Variants in VPS13D observed in about 807,000 individuals in gnomAD.
VPS13D encodes intermembrane lipid transfer protein VPS13D.
Under a neutral mutation model 461.9 loss-of-function variants are expected in VPS13D, and 187 were observed. That is an observed-to-expected ratio of 0.40 (90% CI 0.36 to 0.46). The LOEUF is 0.46. Among genes scored for constraint, VPS13D ranks in the 20% least tolerant of loss-of-function variants. The probability of loss-of-function intolerance (pLI) is 0.60; values close to 1 mark genes in which losing one functional copy is unlikely to be tolerated. For missense variants in VPS13D, 4,711 were observed against 5,364.9 expected (o/e 0.88, Z 3.81); for synonymous variants, 1,951 against 1,986.3 (o/e 0.98, Z 0.47).
At chr1:12,349,584 GAC>G (rs1257226906) in intron 46 of VPS13D, among the ~76,000 whole-genome samples, 3 of 152,040 alleles carry the variant, frequency 2.0e-5, no homozygotes, top group Non-Finnish European at 4.4e-5. Context: ...ACATGGGAGA[GAC>G]AGCCAACACA....
At chr1:12,291,727 C>G (rs1255504229) in intron 23 of VPS13D, among the ~76,000 whole-genome samples, 4 of 152,188 alleles carry the variant, frequency 2.6e-5, no homozygotes, top group African/African-American at 9.7e-5. Flanking sequence ...GGTGTATGTC[C>G]TGAGACAAGT....
At chr1:12,332,083 G>A (rs558274958) in intron 37 of VPS13D, among the ~76,000 whole-genome samples, 2 of 152,304 alleles carry the variant, frequency 1.3e-5, no homozygotes, top group Admixed American at 1.3e-4. Context: ...GAACATATAA[G>A]CCATAGTACT....
At chr1:12,392,493 G>T (rs1301159230) in intron 60 of VPS13D, among the ~76,000 whole-genome samples, 8 of 147,472 alleles carry the variant, frequency 5.4e-5, no homozygotes, top group African/African-American at 2.0e-4. Flanking sequence ...AAAAAAGTCC[G>T]TGATGAAATT....
intron 27 of VPS13D, 120 bp downstream of exon 27, chr1:12,308,761 T>C: frequency 1.1e-6 from 1 of 880,548 alleles, no homozygotes; most frequent in Non-Finnish European, 1.7e-6. Context: ...GTGATTCTCC[T>C]CAGCCTCAGC....
intron 60 of VPS13D, among the ~76,000 whole-genome samples, chr1:12,397,077 G>A (rs1644509687): frequency 6.6e-6 from 1 of 152,154 alleles, no homozygotes; most frequent in African/African-American, 2.4e-5. Context: ...GGGATTACAG[G>A]TGCCCGCCAC....
intron 43 of VPS13D, among the ~76,000 whole-genome samples, 168 bp from the exon 44 acceptor site, chr1:12,346,437 G>A (rs1234795364): frequency 6.6e-6 from 1 of 152,064 alleles, no homozygotes; most frequent in African/African-American, 2.4e-5. Context: ...AATGAATATT[G>A]TTTTTTCCAT....
intron 13 of VPS13D, 21 bp from the exon 14 acceptor site, chr1:12,266,860 T>A (rs760997846): frequency 6.5e-7 from 1 of 1,540,072 alleles, no homozygotes; most frequent in Non-Finnish European, 8.7e-7. Flanking sequence ...TTGTATCAAC[T>A]ATTTTATTTA....
chr1:12,283,871 T>C, intron 21 of VPS13D, 135 bp downstream of exon 21: 14 of 950,838 alleles, frequency 1.5e-5, no homozygotes, highest in Non-Finnish European at 2.0e-5. Flanking sequence ...TCTAGGTGTT[T>C]GCTACGAAAG....
chr1:12,373,686 T>G, intron 54 of VPS13D, 64 bp from the exon 55 acceptor site: 14 of 945,628 alleles, frequency 1.5e-5, no homozygotes, highest in Non-Finnish European at 1.9e-5. Context: ...AATACATGTG[T>G]GAGTATGTGT....
intron 27 of VPS13D, among the ~76,000 whole-genome samples, chr1:12,310,342 C>T (rs1484085861): frequency 6.6e-6 from 1 of 152,172 alleles, no homozygotes; most frequent in Non-Finnish European, 1.5e-5. Context: ...TCTCTGCAGA[C>T]AAAATAACTT....
At chr1:12,469,473 C>T (rs1645535389) in intron 67 of VPS13D, among the ~76,000 whole-genome samples, 1 of 152,226 alleles carries the variant, frequency 6.6e-6, no homozygotes, top group Non-Finnish European at 1.5e-5. Context: ...ACTCTCCTCA[C>T]CTTCTGTGAC....
chr1:12,311,799 T>G lies in VPS13D; in HGVS notation c.6823-14T>G, dbSNP rs1205948186. The stretch of plus-strand genomic sequence containing the variant: ...ATCATCAGCTGTGGATTGACGAGCA[T>G]TTTCCTTTTGTAGACTGTCCTGAGT... On this transcript the variant is annotated splice_polypyrimidine_tract_variant and intron_variant, in intron 28 of 69. Transcript: ENST00000620676. 1.2e-6 allele frequency: 2 copies of G among 1,609,156 alleles called. No homozygotes were observed. Among genetic ancestry groups the G allele is most frequent in the Non-Finnish European group, 1.7e-6 (2 of 1,177,116 alleles).
chr1:12,273,634 A>G (rs1041442456), intron 18 of VPS13D, among the ~76,000 whole-genome samples: 23 of 152,206 alleles, frequency 1.5e-4, no homozygotes, highest in African/African-American at 5.5e-4. Context: ...AACATTTCAT[A>G]TGATGGAATA....
At chr1:12,466,043 G>A (rs924396642) in intron 67 of VPS13D, among the ~76,000 whole-genome samples, 2 of 152,042 alleles carry the variant, frequency 1.3e-5, no homozygotes, top group African/African-American at 4.8e-5. Context: ...GCTGAGGCAG[G>A]AGAATTGCTT....
chr1:12,255,648 C>T (rs1421200257), intron 7 of VPS13D, among the ~76,000 whole-genome samples: 1 of 151,350 alleles, frequency 6.6e-6, no homozygotes, highest in Non-Finnish European at 1.5e-5. Flanking sequence ...AATCCCAGCA[C>T]TTGGGAGACT....
At chr1:12,241,704 G>A (rs527463280) in intron 2 of VPS13D, among the ~76,000 whole-genome samples, 165 of 152,258 alleles carry the variant, frequency 1.1e-3, no homozygotes, top group Non-Finnish European at 1.6e-3. Context: ...CTTTCTGATC[G>A]GTTATTACAC....
chr1:12,406,298 T>C (rs1644653687), intron 63 of VPS13D, among the ~76,000 whole-genome samples: 1 of 151,844 alleles, frequency 6.6e-6, no homozygotes, highest in Admixed American at 6.6e-5. Flanking sequence ...CAGAGTAATA[T>C]GCCTTTATTA....
chr1:12,436,257 C>G (rs994166635), intron 65 of VPS13D, among the ~76,000 whole-genome samples: 1 of 152,206 alleles, frequency 6.6e-6, no homozygotes, highest in African/African-American at 2.4e-5. Context: ...GGGGTGGACT[C>G]TTCTACCCAG....
intron 41 of VPS13D, 151 bp downstream of exon 41, chr1:12,342,036 T>C: frequency 1.5e-6 from 1 of 670,862 alleles, no homozygotes; most frequent in Admixed American, 3.0e-5. Flanking sequence ...ATGATGGAGG[T>C]TCTGGTTTTG....
Sources: allele counts gnomAD v4.1 joint callset (sites outside exome capture counted in the v4.1 genomes callset), GRCh38; gene constraint gnomAD v4.1.1; transcripts MANE v1.5; gene names NCBI Gene and HGNC (gene_info 2026-07-23, HGNC 2026-07-21).